DYM: variants seen among roughly 807,000 people sequenced by gnomAD.
DYM encodes dyggve-Melchior-Clausen syndrome protein.
Under a neutral mutation model 93.1 loss-of-function variants are expected in DYM, and 78 were observed. That is an observed-to-expected ratio of 0.84 (90% confidence interval 0.70 to 1.01). The LOEUF (loss-of-function observed/expected upper bound fraction) is 1.01. Among genes scored for constraint, DYM ranks in the 50% least tolerant of loss-of-function variants. The pLI, the probability that DYM is intolerant of heterozygous loss-of-function variation, is 0.00. For synonymous variants in DYM, 321 were observed against 319.7 expected, an observed-to-expected ratio of 1.00 and a Z score of -0.04; for missense variants, 789 against 845.0, an observed-to-expected ratio of 0.93 and a Z score of 0.82.
intron 11 of DYM, among the ~76,000 whole-genome samples, chr18:49,268,872 A>G (rs1432245313): frequency 6.6e-6 from 1 of 152,162 alleles, no homozygotes; most frequent in African/African-American, 2.4e-5. Flanking sequence ...TACTTCTCAT[A>G]GTATTTTACT....
chr18:49,086,230 G>T (rs1346727336), intron 17 of DYM, among the ~76,000 whole-genome samples: 1 of 152,300 alleles, frequency 6.6e-6, no homozygotes, highest in Middle Eastern at 3.4e-3. Context: ...CCCAGGTTGG[G>T]CTGCATCTGG....
rs138690417 is a variant in DYM, at chr18:49,204,900, G to A, written c.1625+4651C>T. Among the ~76,000 whole-genome samples, 491 of 152,276 alleles carry A rather than the reference G, an allele frequency of 3.2e-3. 5 individuals are homozygous for A. The highest frequency in any genetic ancestry group is 0.011 in the African/African-American group (468 of 41,554). ...ATGGAGGAGCTAACAGGTCTGAAAG[G>A]CTTATGGCTTCATAAAATGTGACTC... On this transcript the variant is annotated intron_variant, in intron 14 of 17. Transcript: ENST00000675505.
At chr18:49,132,290 T>C (rs902597095) in intron 15 of DYM, among the ~76,000 whole-genome samples, 2 of 152,138 alleles carry the variant, frequency 1.3e-5, no homozygotes, top group African/African-American at 2.4e-5. Flanking sequence ...TAATGAGATA[T>C]GGGGGTTCAT....
chr18:49,443,952 T>C (rs2081891054), intron 1 of DYM, among the ~76,000 whole-genome samples: 3 of 152,164 alleles, frequency 2.0e-5, no homozygotes, highest in Admixed American at 2.0e-4. Context: ...TATGAAACAA[T>C]TACAGCTATG....
chr18:49,441,610 A>T (rs2148615599), intron 1 of DYM, among the ~76,000 whole-genome samples: 1 of 151,784 alleles, frequency 6.6e-6, no homozygotes, highest in South Asian at 2.1e-4. Context: ...AGCAATGGAA[A>T]GAAAGATATA....
chr18:49,347,495 G>A (rs969223570), intron 6 of DYM, among the ~76,000 whole-genome samples: 2 of 152,140 alleles, frequency 1.3e-5, no homozygotes, highest in African/African-American at 4.8e-5. Flanking sequence ...TGCTGCAGGA[G>A]TCGCCGATTC....
chr18:49,102,539 TA>T, intron 16 of DYM, among the ~76,000 whole-genome samples: 1 of 152,148 alleles, frequency 6.6e-6, no homozygotes, highest in Non-Finnish European at 1.5e-5. Flanking sequence ...TAACATTAGG[TA>T]TATCTCCAAA....
chr18:49,285,152 G>A (rs1037255689), intron 9 of DYM, among the ~76,000 whole-genome samples: 3 of 152,208 alleles, frequency 2.0e-5, no homozygotes, highest in Non-Finnish European at 2.9e-5. Context: ...GTGAGAAATA[G>A]ATTTCTGTTC....
intron 4 of DYM, among the ~76,000 whole-genome samples, 177 bp from the exon 5 acceptor site, chr18:49,378,877 T>C (rs1220254931): frequency 1.3e-5 from 2 of 152,208 alleles, no homozygotes; most frequent in Non-Finnish European, 2.9e-5. Flanking sequence ...AGTGATATTA[T>C]GTTTTACTTC....
At chr18:49,080,829 C>T (rs943527206) in intron 17 of DYM, among the ~76,000 whole-genome samples, 3 of 149,674 alleles carry the variant, frequency 2.0e-5, no homozygotes, top group African/African-American at 4.9e-5. Flanking sequence ...TCAGACGGGG[C>T]GGCTGGGCAG....
chr18:49,284,796 C>A (rs138184259), intron 9 of DYM, among the ~76,000 whole-genome samples: 1 of 152,162 alleles, frequency 6.6e-6, no homozygotes, highest in Non-Finnish European at 1.5e-5. Context: ...CACCAGTTTT[C>A]GTTTTTTAAT....
At chr18:49,279,179 G>C (rs2094913868) in intron 10 of DYM, among the ~76,000 whole-genome samples, 1 of 152,126 alleles carries the variant, frequency 6.6e-6, no homozygotes, top group African/African-American at 2.4e-5. Context: ...CTTGTTTTGA[G>C]TTAAAACAAG....
At position 49,423,469 on chromosome 18, in the gene DYM, G is replaced by A. The variant is rs1482336240; in HGVS notation, c.140+6786C>T. ...AAAGATCTAAAATTGACAACCTAAT[G>A]TCACAATTAAAAGAACTAGAGAAGC... is the stretch of plus-strand genomic sequence containing the variant. On this transcript the variant is annotated intron_variant, in intron 2 of 17. Transcript: ENST00000675505. Among the ~76,000 whole-genome samples the A allele has an allele frequency of 4.4e-4, 67 of 152,026 alleles. 2 individuals are homozygous for A. Among genetic ancestry groups the A allele is most frequent in the Non-Finnish European group, 1.5e-4 (10 of 67,982 alleles).
At chr18:49,378,514 T>C (rs2147675205) in intron 5 of DYM, 53 bp downstream of exon 5, 2 of 1,507,818 alleles carry the variant, frequency 1.3e-6, no homozygotes, top group Non-Finnish European at 1.8e-6. Context: ...TGAAATTTTA[T>C]CCTTAAATGT....
Position 49,096,978 on chromosome 18 carries a change from C to T in DYM, c.2025+424G>A, listed in dbSNP as rs146139674. 2.7e-4 allele frequency among the ~76,000 whole-genome samples: 41 copies of T among 152,250 alleles called. 1 individual carries two copies. The highest frequency in any genetic ancestry group is 8.9e-4 in the African/African-American group (37 of 41,540). On this transcript the variant is annotated intron_variant, in intron 17 of 17. Coordinates refer to ENST00000675505, the MANE Select transcript of DYM (RefSeq NM_001353214.3). ...AAATTAGGATGATACCACTACCCAC[C>T]GCAAAGGGCTGTGGTAGGGACTGAA...
At chr18:49,109,183 A>C (rs921795455) in intron 16 of DYM, among the ~76,000 whole-genome samples, 2 of 152,090 alleles carry the variant, frequency 1.3e-5, no homozygotes, top group African/African-American at 4.8e-5. Context: ...CTTTTAATTG[A>C]GGCATCAGGA....
chr18:49,280,479 C>T (rs941998209), intron 10 of DYM, among the ~76,000 whole-genome samples: 12 of 152,016 alleles, frequency 7.9e-5, no homozygotes, highest in African/African-American at 2.2e-4. Context: ...ACTTGGTGGG[C>T]GGGTACTTAG....
chr18:49,228,460 A>C (rs2093604394), intron 13 of DYM, among the ~76,000 whole-genome samples: 1 of 152,174 alleles, frequency 6.6e-6, no homozygotes, highest in African/African-American at 2.4e-5. Context: ...GACATTTTGC[A>C]GACGGAAGTG....
chr18:49,151,842 A>C (rs2144747695), intron 15 of DYM, among the ~76,000 whole-genome samples: 1 of 152,322 alleles, frequency 6.6e-6, no homozygotes, highest in East Asian at 1.9e-4. Context: ...ACAGAATGAA[A>C]AACAATCAAG....
Sources: gnomAD v4.1 joint callset for allele counts (sites outside exome capture counted in the v4.1 genomes callset) on GRCh38, gnomAD v4.1.1 for gene constraint, MANE v1.5 for transcripts, NCBI Gene and HGNC (gene_info 2026-07-23, HGNC 2026-07-21) for gene names.